MSI2: variants seen among roughly 807,000 people sequenced by gnomAD.
MSI2 encodes the protein musashi RNA binding protein 2, also known as RNA-binding protein Musashi homolog 2.
MSI2 carries 17 observed loss-of-function variants against 45.6 expected under a neutral mutation model. That is an observed-to-expected ratio of 0.37 (90% CI 0.26 to 0.56). The LOEUF is 0.56. Among genes scored for constraint, MSI2 ranks in the 20% least tolerant of loss-of-function variants. The probability of loss-of-function intolerance (pLI) is 0.77; values close to 1 mark genes in which losing one functional copy is unlikely to be tolerated. For synonymous variants in MSI2, 156 were observed against 158.2 expected, an observed-to-expected ratio of 0.99 and a Z score of 0.11; for missense variants, 293 against 444.2, an observed-to-expected ratio of 0.66 and a Z score of 3.06.
At position 57,401,419 on chromosome 17, in the gene MSI2, C is replaced by T; in HGVS notation, c.353C>T (p.Ser118Phe). The change falls in exon 6 of 14, where the codon TCT (serine) becomes TTT (phenylalanine). Residue 118 changes from serine (S) to phenylalanine (F), a missense_variant. Coordinates refer to ENST00000284073, the MANE Select transcript of MSI2 (RefSeq NM_138962.4). ...AAGAAAATATTTGTAGGCGGGTTAT[C>T]TGCGAACACAGTAGTGGAAGATGTA... ...RTKKIFVGGL[S>F]ANTVVEDVKQ... 2 of 1,614,190 alleles carry T rather than the reference C, an allele frequency of 1.2e-6. No individual in the cohort carries two copies. Among genetic ancestry groups the T allele is most frequent in the Non-Finnish European group, 1.7e-6 (2 of 1,180,024 alleles).
At chr17:57,648,169 G>GTGTGTGTGTT (rs1910840502) in intron 10 of MSI2, among the ~76,000 whole-genome samples, 1 of 148,766 alleles carries the variant, frequency 6.7e-6, no homozygotes, top group Non-Finnish European at 1.5e-5. Context: ...GTGTGTGTGT[G>GTGTGTGTGTT]TGTGTGTGTG....
chr17:57,282,101 TG>T (rs1270429510), intron 5 of MSI2, among the ~76,000 whole-genome samples: 1 of 152,140 alleles, frequency 6.6e-6, no homozygotes, highest in Non-Finnish European at 1.5e-5. Context: ...TTTCAGACTA[TG>T]TTGGTGTACC....
At chr17:57,330,560 T>G (rs1914163892) in intron 5 of MSI2, among the ~76,000 whole-genome samples, 1 of 152,150 alleles carries the variant, frequency 6.6e-6, no homozygotes, top group Non-Finnish European at 1.5e-5. Context: ...ATTATAGTCG[T>G]GAGCCACTGT....
intron 6 of MSI2, among the ~76,000 whole-genome samples, chr17:57,436,563 G>T (rs1257559532): frequency 6.6e-6 from 1 of 152,176 alleles, no homozygotes; most frequent in Admixed American, 6.5e-5. Flanking sequence ...GTGTTAGAAG[G>T]CATGGGAAAT....
intron 6 of MSI2, among the ~76,000 whole-genome samples, chr17:57,434,845 G>A (rs1226951300): frequency 6.6e-6 from 1 of 151,834 alleles, no homozygotes; most frequent in East Asian, 1.9e-4. Context: ...TGGCTATTGT[G>A]AACAGTGCTG....
At position 57,446,828 on chromosome 17, in the gene MSI2, T is replaced by A. The variant is rs573230691; in HGVS notation, c.405+45357T>A. On this transcript the variant is annotated intron_variant, in intron 6 of 13. Transcript: ENST00000284073. ...GAACCCACACGGACAAAAGGCACAG[T>A]GTGTTAGACGAACACCAAATCATCT... Among the ~76,000 whole-genome samples, 45 of 152,284 alleles carry A rather than the reference T, an allele frequency of 3.0e-4. No individual in the cohort carries two copies. The South Asian group carries it at 9.3e-3, about 32-fold the overall frequency.
At chr17:57,418,804 GA>G (rs1475064331) in intron 6 of MSI2, among the ~76,000 whole-genome samples, 2 of 152,048 alleles carry the variant, frequency 1.3e-5, no homozygotes, top group African/African-American at 2.4e-5. Flanking sequence ...TCTAAAAGAG[GA>G]AAAAATGGAT....
Position 57,649,196 on chromosome 17 carries a change from G to A in MSI2, c.728-2903G>A, listed in dbSNP as rs545965727. Among the ~76,000 whole-genome samples the A allele has an allele frequency of 1.6e-4, 24 of 151,618 alleles. No homozygotes were observed. In the East Asian group the frequency reaches 2.7e-3, roughly 17 times the overall value. On this transcript the variant is annotated intron_variant, in intron 10 of 13. Coordinates refer to ENST00000284073, the MANE Select transcript of MSI2 (RefSeq NM_138962.4). ...TATACCCAACACATGTACACAATAC[G>A]TACACTCAATATACAACACACACAC...
chr17:57,394,373 G>A (rs1030723390), intron 5 of MSI2, among the ~76,000 whole-genome samples: 2 of 152,162 alleles, frequency 1.3e-5, no homozygotes, highest in African/African-American at 4.8e-5. Context: ...GCTGGGACCT[G>A]CCATAAGATT....
At chr17:57,622,290 A>G (rs1245557385) in intron 9 of MSI2, among the ~76,000 whole-genome samples, 2 of 152,212 alleles carry the variant, frequency 1.3e-5, no homozygotes, top group Non-Finnish European at 2.9e-5. Context: ...ATCCAGCTCA[A>G]TGTGATAGAA....
chr17:57,496,214 G>T (rs1328762030), intron 6 of MSI2, among the ~76,000 whole-genome samples: 1 of 152,244 alleles, frequency 6.6e-6, no homozygotes, highest in African/African-American at 2.4e-5. Context: ...TCAATCACCC[G>T]GTGGATGCCA....
intron 5 of MSI2, among the ~76,000 whole-genome samples, chr17:57,388,282 A>G (rs1184349737): frequency 6.6e-6 from 1 of 152,236 alleles, no homozygotes; most frequent in African/African-American, 2.4e-5. Context: ...GGAGGTTGGA[A>G]GAGGCCAGAT....
intron 9 of MSI2, among the ~76,000 whole-genome samples, chr17:57,621,570 A>G (rs1908293441): frequency 1.3e-5 from 2 of 152,374 alleles, no homozygotes; most frequent in East Asian, 3.9e-4. Flanking sequence ...TGAGACAACC[A>G]GCACACTGGT....
downstream of MSI2, among the ~76,000 whole-genome samples, chr17:57,687,005 G>GCCCCC (rs36159001): frequency 6.8e-6 from 1 of 147,026 alleles, no homozygotes; most frequent in African/African-American, 2.5e-5. Flanking sequence ...TTGGCCAGCA[G>GCCCCC]CCCCCCCCCC....
chr17:57,584,757 A>G (rs909426894), intron 7 of MSI2, among the ~76,000 whole-genome samples: 1 of 150,460 alleles, frequency 6.6e-6, no homozygotes, highest in East Asian at 2.0e-4. Flanking sequence ...CTGCACAGCC[A>G]GGTGCGACAC....
intron 6 of MSI2, chr17:57,523,544 TCA>T (rs2086638591): frequency 2.0e-5 from 3 of 152,242 alleles, no homozygotes; most frequent in Non-Finnish European, 4.4e-5. Context: ...TAGAGAGGCA[TCA>T]CCCACTGACT....
chr17:57,557,442 T>C (rs1246566169), intron 7 of MSI2, among the ~76,000 whole-genome samples: 1 of 152,242 alleles, frequency 6.6e-6, no homozygotes, highest in African/African-American at 2.4e-5. Flanking sequence ...TGCCAGACTC[T>C]CATGCATAAC....
intron 10 of MSI2, chr17:57,632,687 C>T (rs75705656): frequency 0.35 from 376,968 of 1,065,656 alleles, 70,928 homozygotes; most frequent in Non-Finnish European, 0.39. Context: ...CTTCATTTCC[C>T]TAACTGAAAT....
At chr17:57,477,158 G>C (rs1244078181) in intron 6 of MSI2, among the ~76,000 whole-genome samples, 2 of 87,528 alleles carry the variant, frequency 2.3e-5, no homozygotes, top group Non-Finnish European at 5.7e-5. Context: ...GTGTGTGTGT[G>C]TGTGTGTGTG....
Sources: allele counts gnomAD v4.1 joint callset (sites outside exome capture counted in the v4.1 genomes callset), GRCh38; gene constraint gnomAD v4.1.1; transcripts MANE v1.5; gene names NCBI Gene and HGNC (gene_info 2026-07-23, HGNC 2026-07-21).